The following RNMT variants were observed in gnomAD, a reference collection of about 807,000 sequenced individuals.
The protein encoded by RNMT is RNA guanine-7 methyltransferase, also known as mRNA cap guanine-N(7) methyltransferase.
Under a neutral mutation model 56.0 loss-of-function variants are expected in RNMT, and 27 were observed. That is an observed-to-expected ratio of 0.48 (90% CI 0.36 to 0.67). RNMT has a LOEUF of 0.67. RNMT is among the 30% of genes least tolerant of loss of function. RNMT has a pLI of 0.00. For synonymous variants in RNMT, 184 were observed against 176.2 expected (o/e 1.04, Z -0.35); for missense variants, 519 against 552.1 (o/e 0.94, Z 0.60).
At chr18:13,744,159 C>CTTTTTTTTTTTTTTTTTTTTTTTTTTTT (rs201093998) in intron 8 of RNMT, among the ~76,000 whole-genome samples, 12 of 91,418 alleles carry the variant, frequency 1.3e-4, no homozygotes, top group Non-Finnish European at 2.0e-4. Flanking sequence ...TAGCGGTCTT[C>CTTTTTTTTTTTTTTTTTTTTTTTTTTTT]TTTTTTTTTT....
At chr18:13,738,152 T>C (rs1339285068) in intron 5 of RNMT, among the ~76,000 whole-genome samples, 7 of 152,174 alleles carry the variant, frequency 4.6e-5, no homozygotes, top group African/African-American at 1.7e-4. Flanking sequence ...TCTCAGATTT[T>C]TTGGTTTTAT....
intron 9 of RNMT, among the ~76,000 whole-genome samples, chr18:13,750,531 G>A (rs1029617485): frequency 4.6e-5 from 7 of 151,912 alleles, no homozygotes; most frequent in Admixed American, 2.0e-4. Context: ...TGGATGTGGT[G>A]GTTCACACCT....
Position 13,760,146 on chromosome 18 carries a change from T to A in RNMT, c.*167T>A. On this transcript the variant is annotated 3_prime_UTR_variant, in exon 12 of 12. Coordinates refer to ENST00000383314, the MANE Select transcript of RNMT (RefSeq NM_003799.3). ...TTCAACATTTGCTGTCTGTGACAGA[T>A]GAACTTTTGCATGTGTATATAAGAA... 7.4e-7 allele frequency: 1 copy of A among 1,346,392 alleles called. No individual in the cohort carries two copies. The highest frequency in any genetic ancestry group is 9.5e-7 in the Non-Finnish European group (1 of 1,049,056). 83.4% of individuals were successfully genotyped at this position (1,346,392 alleles called of 1,614,324 possible).
intron 8 of RNMT, chr18:13,742,906 G>C (rs1238791892): frequency 3.8e-6 from 1 of 264,832 alleles, no homozygotes; most frequent in Non-Finnish European, 6.9e-6. Context: ...AATCCTGTGG[G>C]TGAAAAAGGG....
intron 5 of RNMT, among the ~76,000 whole-genome samples, chr18:13,737,775 G>C (rs1039549626): frequency 6.6e-5 from 10 of 151,412 alleles, no homozygotes; most frequent in Non-Finnish European, 1.3e-4. Context: ...CACCCTTGAA[G>C]GTTGCTAAGA....
At chr18:13,727,062 C>G (rs185517524) in intron 1 of RNMT, among the ~76,000 whole-genome samples, 6 of 152,352 alleles carry the variant, frequency 3.9e-5, no homozygotes, top group Admixed American at 3.3e-4. Context: ...CTTCGGAAAC[C>G]TGAACCAGAG....
chr18:13,734,974 G>A (rs2044134820), intron 4 of RNMT, among the ~76,000 whole-genome samples: 1 of 152,136 alleles, frequency 6.6e-6, no homozygotes, highest in African/African-American at 2.4e-5. Flanking sequence ...GTATTACATT[G>A]AGGATAGATA....
chr18:13,747,821 T>G (rs1308839296), intron 9 of RNMT, among the ~76,000 whole-genome samples: 5 of 152,210 alleles, frequency 3.3e-5, no homozygotes, highest in African/African-American at 1.2e-4. Context: ...ATGCTTGTTT[T>G]GTTTGTCTTA....
chr18:13,759,989 C>T lies in RNMT; in HGVS notation c.*10C>T. 1 of 1,612,862 alleles carries T rather than the reference C, an allele frequency of 6.2e-7. No homozygotes were observed. The highest frequency in any genetic ancestry group is 8.5e-7 in the Non-Finnish European group (1 of 1,179,256). ...TGAGAAACAGCAGTGAGCACATAGG[C>T]AGTAGTCCCAGAGGGGCCGTGTTCT... On this transcript the variant is annotated 3_prime_UTR_variant, in exon 12 of 12. Coordinates refer to ENST00000383314, the MANE Select transcript of RNMT (RefSeq NM_003799.3).
intron 9 of RNMT, 116 bp from the exon 10 acceptor site, chr18:13,752,210 C>T: frequency 2.4e-5 from 15 of 615,628 alleles, no homozygotes; most frequent in East Asian, 8.5e-5. Flanking sequence ...GTTTGTATTC[C>T]TGAAGTAGTA....
In RNMT at chr18:13,760,660, T is replaced by G. The variant is rs2044608054; in HGVS notation, c.*681T>G. Reference sequence around the variant, plus strand: ...AATTGCTACCATAGTAATTAATGTTTCCAGTTATCAAGATTGTGATTAGAC... The same window carrying G: ...AATTGCTACCATAGTAATTAATGTTGCCAGTTATCAAGATTGTGATTAGAC... On this transcript the variant is annotated 3_prime_UTR_variant, in exon 12 of 12. Transcript: ENST00000383314. 3.0e-6 allele frequency: 3 copies of G among 985,252 alleles called. No individual in the cohort carries two copies. Among genetic ancestry groups the G allele is most frequent in the Non-Finnish European group, 2.4e-6 (2 of 829,730 alleles). 61.0% of individuals were successfully genotyped at this position (985,252 alleles called of 1,614,324 possible). A position where few individuals can be genotyped will look rare whatever the true frequency, so the allele number is the denominator to read the frequency against.
At chr18:13,747,467 G>A (rs1287821160) in intron 9 of RNMT, among the ~76,000 whole-genome samples, 1 of 152,102 alleles carries the variant, frequency 6.6e-6, no homozygotes, top group African/African-American at 2.4e-5. Flanking sequence ...CAATCCTCCC[G>A]CCTTGGCCTC....
Position 13,731,846 on chromosome 18 carries a change from A to C in RNMT, c.329A>C (p.Glu110Ala). 6.2e-7 allele frequency: 1 copy of C among 1,613,272 alleles called. No homozygotes were observed. The highest frequency in any genetic ancestry group is 8.5e-7 in the Non-Finnish European group (1 of 1,179,836). ...GNSKKRKRET[E>A]DVPKDKSSTG... The stretch of plus-strand genomic sequence containing the variant: ...TCAAAGAAAAGAAAAAGAGAAACTG[A>C]GGATGTTCCAAAAGATAAATCTTCT... Residue 110 changes from glutamate (E) to alanine (A), a missense_variant, in exon 3 of 12, where the codon GAG becomes GCG. By Grantham distance (107) the Glu-to-Ala change is moderately radical. Coordinates refer to ENST00000383314, the MANE Select transcript of RNMT (RefSeq NM_003799.3).
At chr18:13,748,043 T>C (rs1216782812) in intron 9 of RNMT, among the ~76,000 whole-genome samples, 2 of 152,314 alleles carry the variant, frequency 1.3e-5, no homozygotes, top group East Asian at 3.9e-4. Flanking sequence ...ATAACAAGAA[T>C]TTTATGGCAT....
chr18:13,728,085 T>A (rs1440239997), intron 1 of RNMT, among the ~76,000 whole-genome samples: 1 of 152,198 alleles, frequency 6.6e-6, no homozygotes, highest in Non-Finnish European at 1.5e-5. Context: ...CTTTTGGATC[T>A]GTACCCAGAT....
At position 13,736,958 on chromosome 18, in the gene RNMT, T is replaced by A. The variant is rs898128234; in HGVS notation, c.554-52T>A. 7 of 1,542,786 alleles carry A rather than the reference T, an allele frequency of 4.5e-6. No individual in the cohort carries two copies. The African/African-American group carries it at 9.6e-5, about 21-fold the overall frequency. ...GTTATTAGAGGTAACAGTTTATACT[T>A]CAGTAAAATTGAAGAAGAGGTAGTT... is the stretch of plus-strand genomic sequence containing the variant. On this transcript the variant is annotated intron_variant, in intron 4 of 11. Coordinates refer to ENST00000383314, the MANE Select transcript of RNMT (RefSeq NM_003799.3).
At chr18:13,739,484 A>G (rs2044217348) in intron 5 of RNMT, among the ~76,000 whole-genome samples, 1 of 152,156 alleles carries the variant, frequency 6.6e-6, no homozygotes, top group South Asian at 2.1e-4. Flanking sequence ...TGAATCTTTA[A>G]ACAGGGAAAA....
At chr18:13,732,491 T>C (rs977643465) in intron 3 of RNMT, among the ~76,000 whole-genome samples, 3 of 152,224 alleles carry the variant, frequency 2.0e-5, no homozygotes, top group African/African-American at 7.2e-5. Flanking sequence ...TTCTTATTAA[T>C]GTATTTTACA....
In RNMT at chr18:13,763,630, T is replaced by C. The variant is rs78970701; in HGVS notation, c.*3651T>C. On this transcript the variant is annotated 3_prime_UTR_variant, in exon 12 of 12. Coordinates refer to ENST00000383314, the MANE Select transcript of RNMT (RefSeq NM_003799.3). ...ATTCTTCACCTGTGGTAACTCATTTTGATTGTTATAACATCTCAGCACCGT... is the reference window on the plus strand; with the variant it reads ...ATTCTTCACCTGTGGTAACTCATTTCGATTGTTATAACATCTCAGCACCGT... The C allele has an allele frequency of 0.014, 2,171 of 155,060 alleles. 48 individuals are homozygous for C. Among genetic ancestry groups the C allele is most frequent in the African/African-American group, 0.049 (2,034 of 41,652 alleles). The allele number at this position is 155,060 out of a possible 1,614,324, so 9.6% of individuals were successfully genotyped here.
Sources: allele counts gnomAD v4.1 joint callset (sites outside exome capture counted in the v4.1 genomes callset), GRCh38; gene constraint gnomAD v4.1.1; transcripts MANE v1.5; gene names NCBI Gene and HGNC (gene_info 2026-07-23, HGNC 2026-07-21).